The following TBC1D8 variants were observed in gnomAD, a reference collection of about 807,000 sequenced individuals.
TBC1D8 encodes the protein BUB2-like protein 1.
A neutral mutation model predicts 118.8 loss-of-function variants in TBC1D8; 65 were observed. The observed-to-expected ratio is 0.55, with a 90% CI of 0.45 to 0.67. The LOEUF (loss-of-function observed/expected upper bound fraction) is 0.67. TBC1D8 is among the 30% of genes least tolerant of loss of function. The pLI is 0.00. For synonymous variants in TBC1D8, 566 were observed against 595.8 expected (o/e 0.95, Z 0.73); for missense variants, 1,376 against 1,471.2 (o/e 0.94, Z 1.06).
At chr2:101,032,506 T>G in intron 10 of TBC1D8, 121 bp from the exon 11 acceptor site, 1 of 739,354 alleles carries the variant, frequency 1.4e-6, no homozygotes, top group Non-Finnish European at 2.3e-6. Flanking sequence ...AGATCCAGCA[T>G]ACACCAACCA....
chr2:101,076,453 G>A (rs948864795), intron 2 of TBC1D8, among the ~76,000 whole-genome samples: 7 of 152,288 alleles, frequency 4.6e-5, no homozygotes, highest in African/African-American at 7.2e-5. Flanking sequence ...AATACATGGC[G>A]CAGCCTATAG....
chr2:101,086,856 G>A (rs1675663960), intron 2 of TBC1D8, among the ~76,000 whole-genome samples: 1 of 152,096 alleles, frequency 6.6e-6, no homozygotes, highest in South Asian at 2.1e-4. Flanking sequence ...CATGATCTCG[G>A]CTCACTACAA....
chr2:101,102,148 A>G (rs924416522), intron 1 of TBC1D8, among the ~76,000 whole-genome samples: 3 of 152,288 alleles, frequency 2.0e-5, no homozygotes, highest in East Asian at 3.9e-4. Context: ...ATATTAATCC[A>G]ACTACATCAA....
chr2:101,103,549 G>A (rs975594524), intron 1 of TBC1D8, among the ~76,000 whole-genome samples: 2 of 151,854 alleles, frequency 1.3e-5, no homozygotes, highest in Admixed American at 6.6e-5. Context: ...CCGCCACCAC[G>A]CCCGGCTAAT....
intron 15 of TBC1D8, among the ~76,000 whole-genome samples, chr2:101,023,123 C>T (rs1014372944): frequency 1.4e-5 from 2 of 142,304 alleles, no homozygotes; most frequent in Non-Finnish European, 3.0e-5. Context: ...CCAGCCTGGG[C>T]AACAGAGCGT....
intron 1 of TBC1D8, among the ~76,000 whole-genome samples, chr2:101,122,179 C>T (rs1186451870): frequency 6.7e-6 from 1 of 148,562 alleles, no homozygotes; most frequent in African/African-American, 2.5e-5. Context: ...TCAAGTGATT[C>T]TCCTGCCTCA....
chr2:101,149,738 A>G (rs1359235842), intron 1 of TBC1D8, among the ~76,000 whole-genome samples: 1 of 152,158 alleles, frequency 6.6e-6, no homozygotes, highest in African/African-American at 2.4e-5. Flanking sequence ...ATTTCCTGAG[A>G]GCCTGGGCAC....
chr2:101,109,442 CA>C (rs1677442537), intron 1 of TBC1D8, among the ~76,000 whole-genome samples: 1 of 152,074 alleles, frequency 6.6e-6, no homozygotes, highest in South Asian at 2.1e-4. Context: ...TCAAACGGGT[CA>C]AAGACAAAAA....
chr2:101,111,910 T>C (rs1305548942), intron 1 of TBC1D8, among the ~76,000 whole-genome samples: 2 of 64,272 alleles, frequency 3.1e-5, no homozygotes, highest in Admixed American at 4.4e-4. Flanking sequence ...TACTTGACCA[T>C]AGTTTTAAAA....
At chr2:101,034,557 C>T (rs977449444) in intron 9 of TBC1D8, among the ~76,000 whole-genome samples, 1 of 152,292 alleles carries the variant, frequency 6.6e-6, no homozygotes, top group Non-Finnish European at 1.5e-5. Context: ...CAGGCCTCAG[C>T]GGGCGGGCAA....
intron 2 of TBC1D8, among the ~76,000 whole-genome samples, chr2:101,082,348 C>A (rs1045467750): frequency 6.6e-6 from 1 of 152,110 alleles, no homozygotes; most frequent in African/African-American, 2.4e-5. Flanking sequence ...TCTCCTTGTT[C>A]ATCCAGAGAC....
At position 101,070,199 on chromosome 2, in the gene TBC1D8, G is replaced by A. The variant is rs375856995; in HGVS notation, c.284-10660C>T. Among the ~76,000 whole-genome samples the A allele has an allele frequency of 5.9e-5, 9 of 152,046 alleles. No individual in the cohort carries two copies. The East Asian group carries it at 1.2e-3, about 20-fold the overall frequency. ...CCCAAAGTGCTGGGATTACATGTGT[G>A]AGCCACTGCTCCCGGCCTACATTTT... On this transcript the variant is annotated intron_variant, in intron 2 of 19. Coordinates refer to ENST00000409318, the MANE Select transcript of TBC1D8 (RefSeq NM_001330348.2).
rs571273825 is a variant in TBC1D8 at position 101,018,236 on chromosome 2, ACCT to A, written c.2827+3442_2827+3444del. ...AAACATCACTAATGAAACATTTGTG[ACCT>A]CCTTTTTTCCGAAGTTTAATTTTTG... On this transcript the variant is annotated intron_variant, in intron 17 of 19. Coordinates refer to ENST00000409318, the MANE Select transcript of TBC1D8 (RefSeq NM_001330348.2). The A allele has an allele frequency of 1.1e-3, 278 of 243,876 alleles. 2 individuals carry two copies. The highest frequency in any genetic ancestry group is 6.8e-3 in the South Asian group (53 of 7,834). The allele number at this position is 243,876 out of a possible 1,614,324, so 15.1% of individuals were successfully genotyped here. A position where few individuals can be genotyped will look rare whatever the true frequency, so the allele number is the denominator to read the frequency against.
intron 6 of TBC1D8, among the ~76,000 whole-genome samples, chr2:101,038,881 C>T (rs925104319): frequency 6.6e-6 from 1 of 152,008 alleles, no homozygotes; most frequent in Non-Finnish European, 1.5e-5. Flanking sequence ...CATACATCGG[C>T]GTATGACCCA....
At chr2:101,074,026 T>C (rs1207383428) in intron 2 of TBC1D8, among the ~76,000 whole-genome samples, 2 of 152,284 alleles carry the variant, frequency 1.3e-5, no homozygotes, top group Non-Finnish European at 2.9e-5. Context: ...CTTTAACTGT[T>C]TGGCCCAAGA....
intron 17 of TBC1D8, among the ~76,000 whole-genome samples, chr2:101,017,538 C>T (rs1055141587): frequency 6.6e-6 from 1 of 152,182 alleles, no homozygotes; most frequent in African/African-American, 2.4e-5. Flanking sequence ...ATCATACATG[C>T]TGTCTATCCT....
At chr2:101,033,149 G>A (rs533803748) in intron 10 of TBC1D8, among the ~76,000 whole-genome samples, 7 of 147,770 alleles carry the variant, frequency 4.7e-5, no homozygotes, top group Middle Eastern at 3.6e-3. Flanking sequence ...ACAGAGTCTC[G>A]CTCTGTTGCC....
At chr2:101,016,031 A>G (rs913024155) in intron 17 of TBC1D8, among the ~76,000 whole-genome samples, 1 of 151,846 alleles carries the variant, frequency 6.6e-6, no homozygotes, top group Non-Finnish European at 1.5e-5. Flanking sequence ...TTCATGTCTA[A>G]AACACCAAAA....
At chr2:101,028,534 C>G in intron 12 of TBC1D8, 102 bp from the exon 13 acceptor site, 12 of 1,450,518 alleles carry the variant, frequency 8.3e-6, no homozygotes, top group Non-Finnish European at 1.1e-5. Context: ...TTCCAAACAC[C>G]AACACCTGGG....
Sources: gnomAD v4.1 joint callset for allele counts (sites outside exome capture counted in the v4.1 genomes callset) on GRCh38, gnomAD v4.1.1 for gene constraint, MANE v1.5 for transcripts, NCBI Gene and HGNC (gene_info 2026-07-23, HGNC 2026-07-21) for gene names.